BRI3BP: variants seen among roughly 807,000 people sequenced by gnomAD.
BRI3BP encodes the protein BRI3-binding protein.
In BRI3BP, 7 loss-of-function variants were observed where a neutral mutation model predicts 15.8. The ratio of observed to expected loss-of-function variants is 0.44; its 90% CI spans 0.25 to 0.83. BRI3BP has a LOEUF of 0.83. Among genes scored for constraint, BRI3BP ranks in the 40% least tolerant of loss-of-function variants. The pLI is 0.20. For missense variants in BRI3BP, 320 were observed against 339.3 expected (o/e 0.94, Z 0.45); for synonymous variants, 192 against 163.5 (o/e 1.17, Z -1.33).
chr12:125,031,973 A>G (rs1955409317), downstream of BRI3BP, among the ~76,000 whole-genome samples: 1 of 152,120 alleles, frequency 6.6e-6, no homozygotes, highest in African/African-American at 2.4e-5. Context: ...TAAGGGGACA[A>G]TTTGAGGCTA....
At chr12:125,000,318 T>TG (rs1555216331) in intron 1 of BRI3BP, among the ~76,000 whole-genome samples, 21 of 143,414 alleles carry the variant, frequency 1.5e-4, no homozygotes, top group Admixed American at 4.3e-4. Context: ...ATTTTTTTTT[T>TG]TTTTTTTTTT....
At chr12:125,002,115 G>GAT (rs960957127) in intron 1 of BRI3BP, among the ~76,000 whole-genome samples, 2 of 152,136 alleles carry the variant, frequency 1.3e-5, no homozygotes, top group African/African-American at 4.8e-5. Flanking sequence ...ATCAACTGAT[G>GAT]CACATTTCGG....
downstream of BRI3BP, among the ~76,000 whole-genome samples, chr12:125,033,420 A>G (rs1955420430): frequency 6.6e-6 from 1 of 152,026 alleles, no homozygotes; most frequent in African/African-American, 2.4e-5. Context: ...GAATACATAA[A>G]TATACATAAA....
intron 1 of BRI3BP, among the ~76,000 whole-genome samples, chr12:124,997,979 C>T (rs561648587): frequency 7.9e-5 from 12 of 152,322 alleles, no homozygotes; most frequent in African/African-American, 2.4e-4. Context: ...AAAAAATTAG[C>T]CAGGCGTGGT....
At chr12:125,000,141 CTT>C (rs1431797835) in intron 1 of BRI3BP, among the ~76,000 whole-genome samples, 1 of 117,570 alleles carries the variant, frequency 8.5e-6, no homozygotes, top group Non-Finnish European at 1.7e-5. Context: ...AGCAAAATAA[CTT>C]TGACACTTTC....
At chr12:125,019,539 A>T (rs1485199230) in intron 2 of BRI3BP, among the ~76,000 whole-genome samples, 1 of 151,694 alleles carries the variant, frequency 6.6e-6, no homozygotes. Flanking sequence ...TTCAGTACGT[A>T]CTTTAATACT....
chr12:125,013,156 C>T (rs761812910), intron 2 of BRI3BP, among the ~76,000 whole-genome samples: 4 of 138,632 alleles, frequency 2.9e-5, no homozygotes, highest in East Asian at 2.3e-4. Context: ...GGATAAGGTG[C>T]GACTGGGTAG....
At position 125,027,077 on chromosome 12, in the gene BRI3BP, T is replaced by C. The variant is rs973807823; in HGVS notation, c.*1647T>C. The stretch of plus-strand genomic sequence containing the variant: ...CCGCTCACAGTGCCCTGCGTGCAGG[T>C]TTATAGATAACCCCTGCCAGACCTG... On this transcript the variant is annotated 3_prime_UTR_variant, in exon 3 of 3. Coordinates refer to ENST00000341446, the MANE Select transcript of BRI3BP (RefSeq NM_080626.6). 1 of 151,910 alleles carries C rather than the reference T, an allele frequency of 6.6e-6. No homozygotes were observed. The highest frequency in any genetic ancestry group is 1.5e-5 in the Non-Finnish European group (1 of 68,020). The allele number at this position is 151,910 out of a possible 1,614,324, so 9.4% of individuals were successfully genotyped here.
chr12:125,048,241 G>A, the BRI3BP span, among the ~76,000 whole-genome samples: 1,965 of 152,144 alleles, frequency 0.013, 126 homozygotes, highest in Admixed American at 0.1. Context: ...ATGCAATGCC[G>A]CCTCGAAATG....
chr12:125,022,363 C>G (rs994126214), intron 2 of BRI3BP, among the ~76,000 whole-genome samples: 1 of 152,114 alleles, frequency 6.6e-6, no homozygotes, highest in Non-Finnish European at 1.5e-5. Flanking sequence ...TTCAGTGTTT[C>G]TAAAATGTCA....
chr12:125,007,544 G>C (rs1955155871), intron 1 of BRI3BP, among the ~76,000 whole-genome samples: 1 of 151,924 alleles, frequency 6.6e-6, no homozygotes, highest in Admixed American at 6.6e-5. Context: ...GCAAGACTCT[G>C]TCTCAGGAAA....
intron 2 of BRI3BP, among the ~76,000 whole-genome samples, chr12:125,014,236 C>G (rs1434234739): frequency 6.6e-6 from 1 of 152,188 alleles, no homozygotes; most frequent in East Asian, 1.9e-4. Context: ...GCCGCTCTTC[C>G]CCTGGGCCTT....
rs990133639 is a variant in BRI3BP at position 124,993,713 on chromosome 12, T to G, written c.-78T>G. The G allele has an allele frequency of 2.0e-5, 17 of 857,092 alleles. No individual in the cohort carries two copies. The African/African-American group carries it at 3.2e-4, about 16-fold the overall frequency. The allele number at this position is 857,092 out of a possible 1,614,324, so 53.1% of individuals were successfully genotyped here. A position where few individuals can be genotyped will look rare whatever the true frequency, so the allele number is the denominator to read the frequency against. ...CGCGCGGCCCCCGAGCGCGCCAACCTTGCCCTAGCCGGAGCCCGCTGCGGC... is the reference window on the plus strand; with the variant it reads ...CGCGCGGCCCCCGAGCGCGCCAACCGTGCCCTAGCCGGAGCCCGCTGCGGC... On this transcript the variant is annotated 5_prime_UTR_variant, in exon 1 of 3. Transcript: ENST00000341446.
downstream of BRI3BP, among the ~76,000 whole-genome samples, chr12:125,035,961 C>T (rs1955437631): frequency 6.6e-6 from 1 of 151,858 alleles, no homozygotes; most frequent in Non-Finnish European, 1.5e-5. Flanking sequence ...GTTCTGAAGC[C>T]CCAAAGAAAA....
At position 125,030,782 on chromosome 12, in the gene BRI3BP, A is replaced by G. The variant is rs920585839; in HGVS notation, c.*5352A>G. On this transcript the variant is annotated 3_prime_UTR_variant, in exon 3 of 3. Coordinates refer to ENST00000341446, the MANE Select transcript of BRI3BP (RefSeq NM_080626.6). ...GTGATTAGCACACACTAAAAACCCA[A>G]TGAAGCAATTGTCTCCCTCTTCTTA... The G allele has an allele frequency of 6.6e-6, 1 of 152,366 alleles. No homozygotes were observed. Among genetic ancestry groups the G allele is most frequent in the African/African-American group, 2.4e-5 (1 of 41,592 alleles). 9.4% of individuals were successfully genotyped at this position (152,366 alleles called of 1,614,324 possible). A position where few individuals can be genotyped will look rare whatever the true frequency, so the allele number is the denominator to read the frequency against.
chr12:125,044,481 G>A, the BRI3BP span, among the ~76,000 whole-genome samples: 1 of 142,974 alleles, frequency 7.0e-6, no homozygotes, highest in Non-Finnish European at 1.5e-5. Context: ...ACAGGGTCTT[G>A]TTCTGCTGCC....
chr12:124,993,692 C>A lies in BRI3BP; in HGVS notation c.-99C>A. 2 of 650,192 alleles carry A rather than the reference C, an allele frequency of 3.1e-6. No homozygotes were observed. Among genetic ancestry groups the A allele is most frequent in the South Asian group, 6.5e-5 (1 of 15,476 alleles). 40.3% of individuals were successfully genotyped at this position (650,192 alleles called of 1,614,324 possible). Reference sequence around the variant, plus strand: ...CGGCTGTGGGTAAAGGCGCGGCGCGCGGCCCCCGAGCGCGCCAACCTTGCC... The same window carrying A: ...CGGCTGTGGGTAAAGGCGCGGCGCGAGGCCCCCGAGCGCGCCAACCTTGCC... On this transcript the variant is annotated 5_prime_UTR_variant, in exon 1 of 3. Coordinates refer to ENST00000341446, the MANE Select transcript of BRI3BP (RefSeq NM_080626.6).
At chr12:125,002,203 C>A (rs1481297198) in intron 1 of BRI3BP, among the ~76,000 whole-genome samples, 3 of 152,140 alleles carry the variant, frequency 2.0e-5, no homozygotes, top group African/African-American at 7.2e-5. Context: ...GGCATTGTTT[C>A]CAGTATTTTG....
rs78189817 is a variant in BRI3BP at position 125,011,724 on chromosome 12, T to TAA, written c.214-810_214-809insAA. ...ACATGTATACAATATCACTAATTTTTTAAAAAAAAAAGTTAAAATGAGGCT... is the reference window on the plus strand; with the variant it reads ...ACATGTATACAATATCACTAATTTTTAATAAAAAAAAAAGTTAAAATGAGGCT... On this transcript the variant is annotated intron_variant, in intron 1 of 2. Coordinates refer to ENST00000341446, the MANE Select transcript of BRI3BP (RefSeq NM_080626.6). Among the ~76,000 whole-genome samples, 42 of 151,668 alleles carry TAA rather than the reference T, an allele frequency of 2.8e-4. 1 individual carries two copies. Among genetic ancestry groups the TAA allele is most frequent in the African/African-American group, 7.3e-4 (30 of 41,330 alleles).
Sources: allele counts gnomAD v4.1 joint callset (sites outside exome capture counted in the v4.1 genomes callset), GRCh38; gene constraint gnomAD v4.1.1; transcripts MANE v1.5; gene names NCBI Gene and HGNC (gene_info 2026-07-23, HGNC 2026-07-21).